Variants in UMODL1 observed in about 807,000 individuals in gnomAD.
The protein encoded by UMODL1 is uromodulin-like 1.
UMODL1 carries 128 observed loss-of-function variants against 136.3 expected under a neutral mutation model. The ratio of observed to expected loss-of-function variants is 0.94; its 90% CI spans 0.81 to 1.09. The LOEUF (loss-of-function observed/expected upper bound fraction) is 1.09. Among genes scored for constraint, UMODL1 ranks in the 50% least tolerant of loss-of-function variants. The pLI is 0.00. For missense variants in UMODL1, 1,766 were observed against 1,725.6 expected (o/e 1.02, Z -0.41); for synonymous variants, 721 against 720.0 (o/e 1.00, Z -0.02).
At position 42,127,209 on chromosome 21, in the gene UMODL1, G is replaced by C; in HGVS notation, c.3497G>C (p.Arg1166Pro). ...ECWATPSSNA[R>P]DPITFSFINN... Reference sequence around the variant, plus strand: ...TGGGCAACCCCGTCTAGCAACGCCCGGGACCCCATCACCTTCAGCTTCATT... The same window carrying C: ...TGGGCAACCCCGTCTAGCAACGCCCCGGACCCCATCACCTTCAGCTTCATT... Residue 1166 changes from arginine (R) to proline (P), a missense_variant, in exon 19 of 23, where the codon CGG (arginine) becomes CCG (proline). Physicochemically the swap from Arg to Pro is moderately radical, Grantham distance 103 (BLOSUM62 -2). Coordinates refer to ENST00000408910, the MANE Select transcript of UMODL1 (RefSeq NM_001004416.3). 6.2e-7 allele frequency: 1 copy of C among 1,613,994 alleles called. No individual in the cohort carries two copies. The highest frequency in any genetic ancestry group is 8.5e-7 in the Non-Finnish European group (1 of 1,180,022).
At position 42,127,239 on chromosome 21, in the gene UMODL1, ACAGG is replaced by A; in HGVS notation, c.3528_3530+1del. Reference sequence around the variant, plus strand: ...CCCATCACCTTCAGCTTCATTAACAACAGGTAGGGCTCAGGAGTGCAGGCACCCC... The same window carrying A: ...CCCATCACCTTCAGCTTCATTAACAATAGGGCTCAGGAGTGCAGGCACCCC... On this transcript the variant is annotated splice_donor_variant and coding_sequence_variant, in exon 19 of 23. Coordinates refer to ENST00000408910, the MANE Select transcript of UMODL1 (RefSeq NM_001004416.3). LOFTEE classifies it high-confidence loss of function. 6.2e-7 allele frequency: 1 copy of A among 1,613,992 alleles called. No homozygotes were observed. The highest frequency in any genetic ancestry group is 1.1e-5 in the South Asian group (1 of 91,020).
chr21:42,079,303 T>A (rs1209377747), intron 2 of UMODL1, among the ~76,000 whole-genome samples: 1 of 152,182 alleles, frequency 6.6e-6, no homozygotes, highest in East Asian at 1.9e-4. Context: ...CTGCCCTGCA[T>A]CCTCCTTCAC....
At chr21:42,133,047 G>A (rs1569179601) in intron 21 of UMODL1, among the ~76,000 whole-genome samples, 2 of 152,220 alleles carry the variant, frequency 1.3e-5, no homozygotes, top group African/African-American at 4.8e-5. Flanking sequence ...AAATATTCAT[G>A]TTGTTCAACA....
chr21:42,140,363 C>T (rs1394203523), intron 22 of UMODL1, among the ~76,000 whole-genome samples: 1 of 111,114 alleles, frequency 9.0e-6, no homozygotes, highest in African/African-American at 3.1e-5. Flanking sequence ...GGTCACGTGG[C>T]TAGGAGGTCC....
chr21:42,098,936 A>G lies in UMODL1; in HGVS notation c.942A>G (p.Pro314=). 1 of 1,614,104 alleles carries G rather than the reference A, an allele frequency of 6.2e-7. No homozygotes were observed. The highest frequency in any genetic ancestry group is 2.2e-5 in the East Asian group (1 of 44,890). The change falls in exon 7 of 23, where the codon CCA becomes CCG. Residue 314 remains proline, a synonymous_variant. Transcript: ENST00000408910. ...TCTGTGCTTTCGTAGATTGTCCTCC[A>G]GTCAGTGACTACGTGGTCCTCAACG... ...KLNLEWEDCP[P]VSDYVVLNVT...
intron 9 of UMODL1, among the ~76,000 whole-genome samples, chr21:42,105,597 G>A (rs1258680318): frequency 1.3e-5 from 2 of 152,226 alleles, no homozygotes; most frequent in African/African-American, 2.4e-5. Context: ...TTGGCCTGAA[G>A]TTCAGTGACA....
chr21:42,127,312 A>G, intron 19 of UMODL1, 70 bp downstream of exon 19: 1 of 1,398,086 alleles, frequency 7.2e-7, no homozygotes, highest in South Asian at 1.2e-5. Context: ...GGTAGGGCTC[A>G]AGAATGCAGA....
chr21:42,129,073 G>A (rs900879883), intron 20 of UMODL1, among the ~76,000 whole-genome samples: 2 of 152,196 alleles, frequency 1.3e-5, no homozygotes, highest in African/African-American at 4.8e-5. Flanking sequence ...CTGTCTCTCG[G>A]TGTTGCCTTC....
chr21:42,076,646 C>A (rs2066295144), intron 2 of UMODL1, among the ~76,000 whole-genome samples: 1 of 152,158 alleles, frequency 6.6e-6, no homozygotes, highest in Non-Finnish European at 1.5e-5. Flanking sequence ...TTTCAAAGCT[C>A]CCAGAGTGAT....
intron 6 of UMODL1, chr21:42,093,725 C>A: frequency 2.8e-6 from 1 of 357,866 alleles, no homozygotes; most frequent in South Asian, 2.1e-5. Flanking sequence ...TGGTGCCCCG[C>A]AAAGAGCAGG....
At chr21:42,080,380 G>A (rs570692751) in intron 2 of UMODL1, among the ~76,000 whole-genome samples, 4 of 152,282 alleles carry the variant, frequency 2.6e-5, no homozygotes, top group South Asian at 4.1e-4. Flanking sequence ...CAGGTCACCC[G>A]AGTGTGGGTG....
intron 19 of UMODL1, 89 bp from the exon 20 acceptor site, chr21:42,127,583 C>T (rs1260499431): frequency 3.1e-5 from 43 of 1,387,876 alleles, no homozygotes; most frequent in East Asian, 2.7e-4. Context: ...CTGCGAGTGT[C>T]GTCAGATGTA....
Position 42,121,116 on chromosome 21 carries a change from G to C in UMODL1, c.2719G>C (p.Asp907His), listed in dbSNP as rs368264089. ...DYDECERKED[D>H]CVPGTSCRNT... ...CGATGAGTGTGAAAGGAAGGAGGAC[G>C]ACTGTGTGCCGGGGACATCCTGTCG... The change falls in exon 16 of 23, where the codon GAC (aspartate) becomes CAC (histidine). Residue 907 changes from aspartate to histidine, a missense_variant. Coordinates refer to ENST00000408910, the MANE Select transcript of UMODL1 (RefSeq NM_001004416.3). 6.8e-6 allele frequency: 11 copies of C among 1,613,982 alleles called. No individual in the cohort carries two copies. The African/African-American group carries it at 1.2e-4, about 18-fold the overall frequency.
rs751083471 is a variant in UMODL1, at chr21:42,088,325, C to G, written c.635C>G (p.Thr212Ser). Residue 212 changes from threonine to serine, a missense_variant, in exon 5 of 23, where the codon ACC becomes AGC. Physicochemically the swap from Thr to Ser is moderately conservative, Grantham distance 58. Transcript: ENST00000408910. ...VTSALQPMASTVHHLHSAPGN... is the reference protein window; with the variant it reads ...VTSALQPMASSVHHLHSAPGN... The stretch of plus-strand genomic sequence containing the variant: ...AGCGCCCTGCAACCAATGGCCTCCA[C>G]CGTCCACCACCTGCACTCAGCCCCT... 6.2e-7 allele frequency: 1 copy of G among 1,613,654 alleles called. No homozygotes were observed. The highest frequency in any genetic ancestry group is 8.5e-7 in the Non-Finnish European group (1 of 1,179,790).
chr21:42,123,038 T>A lies in UMODL1; in HGVS notation c.3035T>A (p.Ile1012Asn). Residue 1012 changes from isoleucine (I) to asparagine (N), a missense_variant, in exon 17 of 23, where the codon ATC (isoleucine) becomes AAC (asparagine). Coordinates refer to ENST00000408910, the MANE Select transcript of UMODL1 (RefSeq NM_001004416.3). This position sits in a 1 kb window ranked among gnomAD's most constrained non-coding sequence, Gnocchi z 4.4. ...AAGCGCTTCCTGCAGCAGGAATCCATCCCCGAGTCCTCGTTGTACCTCAGC... is the reference window on the plus strand; with the variant it reads ...AAGCGCTTCCTGCAGCAGGAATCCAACCCCGAGTCCTCGTTGTACCTCAGC... ...IQKRFLQQES[I>N]PESSLYLSHP... The A allele has an allele frequency of 1.2e-6, 2 of 1,613,974 alleles. No individual in the cohort carries two copies. Among genetic ancestry groups the A allele is most frequent in the African/African-American group, 1.3e-5 (1 of 74,976 alleles).
chr21:42,094,303 C>T (rs373919118), intron 6 of UMODL1, among the ~76,000 whole-genome samples: 7 of 152,196 alleles, frequency 4.6e-5, no homozygotes, highest in African/African-American at 1.4e-4. Context: ...CTAAGGGAAA[C>T]AGCATCCCCG....
intron 11 of UMODL1, 127 bp from the exon 12 acceptor site, chr21:42,111,379 C>G: frequency 1.9e-6 from 3 of 1,611,990 alleles, no homozygotes; most frequent in African/African-American, 2.7e-5. Context: ...GGAGCACCAG[C>G]CAGGCGAGCC....
At chr21:42,132,369 CATCT>C (rs1248721881) in intron 21 of UMODL1, among the ~76,000 whole-genome samples, 2 of 151,520 alleles carry the variant, frequency 1.3e-5, no homozygotes, top group South Asian at 4.2e-4. Flanking sequence ...TTCCTTCATC[CATCT>C]ATCAACCATC....
At chr21:42,129,360 T>G (rs2067103401) in intron 20 of UMODL1, among the ~76,000 whole-genome samples, 1 of 152,126 alleles carries the variant, frequency 6.6e-6, no homozygotes, top group Non-Finnish European at 1.5e-5. Context: ...TGCAGCAACC[T>G]TTGGAGAACA....
Sources: gnomAD v4.1 joint callset for allele counts (sites outside exome capture counted in the v4.1 genomes callset) on GRCh38, gnomAD v4.1.1 for gene constraint, Gnocchi (gnomAD v3.1) non-coding constraint, MANE v1.5 for transcripts, NCBI Gene and HGNC (gene_info 2026-07-23, HGNC 2026-07-21) for gene names.